UNC13C: variants seen among roughly 807,000 people sequenced by gnomAD.
UNC13C encodes protein unc-13 homolog C.
Under a neutral mutation model 245.4 loss-of-function variants are expected in UNC13C, and 174 were observed. The ratio of observed to expected loss-of-function variants is 0.71; its 90% CI spans 0.63 to 0.80. The LOEUF is 0.80. Among genes scored for constraint, UNC13C ranks in the 30% least tolerant of loss-of-function variants. UNC13C has a pLI of 0.00. For missense variants in UNC13C, 2,829 were observed against 2,602.9 expected, an observed-to-expected ratio of 1.09 and a Z score of -1.89; for synonymous variants, 992 against 895.1, an observed-to-expected ratio of 1.11 and a Z score of -1.93.
Position 54,193,327 on chromosome 15 carries a change from C to T in UNC13C, c.3072-41703C>T, listed in dbSNP as rs550724365. 3.3e-5 allele frequency among the ~76,000 whole-genome samples: 5 copies of T among 152,298 alleles called. No homozygotes were observed. The East Asian group carries it at 7.7e-4, about 24-fold the overall frequency. On this transcript the variant is annotated intron_variant, in intron 4 of 32. Transcript: ENST00000260323. ...CTTGGAGACTTCCTGAATCCCTGCT[C>T]TAAAAAGCTTGAGTGTATACACAAC...
intron 30 of UNC13C, among the ~76,000 whole-genome samples, chr15:54,581,588 C>T (rs1416915149): frequency 6.6e-6 from 1 of 152,204 alleles, no homozygotes. Context: ...GGCCAGGGCC[C>T]CACCCTATTA....
the UNC13C span, among the ~76,000 whole-genome samples, chr15:53,917,060 T>G: frequency 2.0e-5 from 3 of 152,226 alleles, no homozygotes; most frequent in Admixed American, 6.5e-5. Flanking sequence ...ATTTCTTCTT[T>G]GCTTATTTAT....
chr15:54,094,154 A>G (rs1448754486), intron 2 of UNC13C, among the ~76,000 whole-genome samples: 6 of 152,152 alleles, frequency 3.9e-5, no homozygotes. Flanking sequence ...ACTTTGGCTT[A>G]AGGACTCCGA....
intron 12 of UNC13C, 117 bp from the exon 13 acceptor site, chr15:54,300,093 T>A: frequency 1.2e-6 from 1 of 863,008 alleles, no homozygotes; most frequent in Non-Finnish European, 1.7e-6. Flanking sequence ...TGCTTGCAGA[T>A]GCTGATGAAA....
At chr15:54,208,694 T>A (rs1027328787) in intron 4 of UNC13C, among the ~76,000 whole-genome samples, 10 of 152,076 alleles carry the variant, frequency 6.6e-5, no homozygotes, top group Non-Finnish European at 1.3e-4. Flanking sequence ...AGGGTAAATT[T>A]TGGCAGGGAA....
intron 24 of UNC13C, among the ~76,000 whole-genome samples, chr15:54,521,861 C>G (rs1027609060): frequency 6.6e-6 from 1 of 152,236 alleles, no homozygotes; most frequent in African/African-American, 2.4e-5. Flanking sequence ...TTTTATGCTT[C>G]TGTCTATCCT....
rs753509130 is a variant in UNC13C, at chr15:54,546,677, G to C, written c.5697-45G>C. 4.0e-6 allele frequency: 5 copies of C among 1,247,252 alleles called. No homozygotes were observed. In the Admixed American group the frequency reaches 1.4e-4, roughly 34 times the overall value. The allele number at this position is 1,247,252 out of a possible 1,614,324, so 77.3% of individuals were successfully genotyped here. A position where few individuals can be genotyped will look rare whatever the true frequency, so the allele number is the denominator to read the frequency against. On this transcript the variant is annotated intron_variant, in intron 26 of 32. Coordinates refer to ENST00000260323, the MANE Select transcript of UNC13C (RefSeq NM_001080534.3). ...TCGTAAAGGCCTAAATTGATACCTT[G>C]ATCTGAAATTTAAAAGTGAATATAT...
intron 19 of UNC13C, among the ~76,000 whole-genome samples, chr15:54,483,565 A>G (rs11071086): frequency 0.41 from 62,764 of 151,936 alleles, 13,245 homozygotes; most frequent in East Asian, 0.62. Context: ...GCGCGATCTC[A>G]GCTCACTGCA....
At chr15:54,456,583 C>T (rs892179437) in intron 19 of UNC13C, among the ~76,000 whole-genome samples, 2 of 144,476 alleles carry the variant, frequency 1.4e-5, no homozygotes, top group Admixed American at 7.1e-5. Context: ...AGGTTTACTC[C>T]TATGTATTTT....
intron 7 of UNC13C, among the ~76,000 whole-genome samples, chr15:54,244,170 G>C (rs1386093879): frequency 6.6e-6 from 1 of 152,148 alleles, no homozygotes; most frequent in Non-Finnish European, 1.5e-5. Context: ...ATGTAAGCAA[G>C]TGGTCCACTT....
chr15:54,339,914 A>G (rs2038689313), intron 17 of UNC13C, among the ~76,000 whole-genome samples: 1 of 152,158 alleles, frequency 6.6e-6, no homozygotes, highest in Non-Finnish European at 1.5e-5. Flanking sequence ...TTAGCAGTGT[A>G]GAAGTGTTCT....
intron 13 of UNC13C, among the ~76,000 whole-genome samples, chr15:54,313,432 T>G (rs983220087): frequency 4.6e-5 from 7 of 151,850 alleles, no homozygotes; most frequent in Non-Finnish European, 8.8e-5. Context: ...GTGCTAAATA[T>G]GGGCTGGATA....
chr15:53,882,289 G>A, the UNC13C span, among the ~76,000 whole-genome samples: 1 of 152,104 alleles, frequency 6.6e-6, no homozygotes, highest in Non-Finnish European at 1.5e-5. Flanking sequence ...TTATTGTACA[G>A]TTCTGTATAC....
intron 12 of UNC13C, among the ~76,000 whole-genome samples, chr15:54,298,990 A>G (rs2037506091): frequency 1.3e-5 from 2 of 152,168 alleles, no homozygotes; most frequent in Non-Finnish European, 2.9e-5. Context: ...TGTGTATATT[A>G]CACACGATTT....
intron 2 of UNC13C, chr15:54,048,948 C>A: frequency 3.3e-6 from 1 of 302,622 alleles, no homozygotes; most frequent in South Asian, 3.5e-5. Flanking sequence ...TTGAAGCCTG[C>A]AAAGGACATT....
rs546859082 is a variant in UNC13C, at chr15:54,012,683, C to G, written c.-221C>G. Among the ~76,000 whole-genome samples the G allele has an allele frequency of 8.5e-5, 13 of 152,274 alleles. No homozygotes were observed. The East Asian group carries it at 1.7e-3, about 20-fold the overall frequency. ...GAGTTATGTGGAAATGAGAGAGATTCATGAAACCCCTCCTCCAGGAAAGAA... is the reference window on the plus strand; with the variant it reads ...GAGTTATGTGGAAATGAGAGAGATTGATGAAACCCCTCCTCCAGGAAAGAA... On this transcript the variant is annotated 5_prime_UTR_variant, in exon 2 of 33. The change creates a premature stop within an existing upstream ORF in the 5' untranslated region. Transcript: ENST00000260323.
chr15:54,204,339 C>A (rs1322531163), intron 4 of UNC13C, among the ~76,000 whole-genome samples: 1 of 141,410 alleles, frequency 7.1e-6, no homozygotes, highest in African/African-American at 2.6e-5. Flanking sequence ...CACCTCAATT[C>A]CGTTTTTACA....
chr15:54,135,868 A>C (rs1451901425), intron 2 of UNC13C, among the ~76,000 whole-genome samples: 1 of 151,968 alleles, frequency 6.6e-6, no homozygotes, highest in Non-Finnish European at 1.5e-5. Context: ...GATTCCTTTG[A>C]CTCTGTAAGC....
At chr15:54,416,937 G>A (rs760398272) in intron 19 of UNC13C, 24 of 456,386 alleles carry the variant, frequency 5.3e-5, no homozygotes, top group African/African-American at 1.0e-4. Flanking sequence ...TCTGATGCCT[G>A]GATTTTTCTT....
Sources: gnomAD v4.1 joint callset for allele counts (sites outside exome capture counted in the v4.1 genomes callset) on GRCh38, gnomAD v4.1.1 for gene constraint, MANE v1.5 for transcripts, NCBI Gene and HGNC (gene_info 2026-07-23, HGNC 2026-07-21) for gene names.